WDR70: variants seen among roughly 807,000 people sequenced by gnomAD.
WDR70 encodes the protein WD repeat domain 70.
In WDR70, 53 loss-of-function variants were observed where a neutral mutation model predicts 88.6. The observed-to-expected ratio is 0.60, with a 90% CI of 0.48 to 0.75. WDR70 has a LOEUF of 0.75. Among genes scored for constraint, WDR70 ranks in the 30% least tolerant of loss-of-function variants. The pLI is 0.00. For synonymous variants in WDR70, 280 were observed against 270.0 expected (o/e 1.04, Z -0.36); for missense variants, 610 against 823.2 (o/e 0.74, Z 3.17).
chr5:37,519,420 G>A (rs1274479127), intron 9 of WDR70, among the ~76,000 whole-genome samples: 2 of 145,294 alleles, frequency 1.4e-5, no homozygotes, highest in Non-Finnish European at 3.0e-5. Flanking sequence ...CTTCCCAGAC[G>A]GGGCGGCCGG....
At chr5:37,716,328 C>A (rs1030563071) in intron 13 of WDR70, among the ~76,000 whole-genome samples, 1 of 152,118 alleles carries the variant, frequency 6.6e-6, no homozygotes, top group South Asian at 2.1e-4. Context: ...GCATTGATTT[C>A]TTTTATAGTA....
chr5:37,726,895 G>T lies in WDR70; in HGVS notation c.1727G>T (p.Arg576Leu). ...TCTTTTGCAATAGGTCGTGGTGGCCGAGTTGGAACCCACGGGGGCACTCTC... is the reference window on the plus strand; with the variant it reads ...TCTTTTGCAATAGGTCGTGGTGGCCTAGTTGGAACCCACGGGGGCACTCTC... ...PPVAGPGRGG[R>L]VGTHGGTLSS... Residue 576 changes from arginine (R) to leucine (L), a missense_variant, in exon 17 of 18, where the codon CGA (arginine) becomes CTA (leucine). By Grantham distance (102) the Arg-to-Leu change is moderately radical. Transcript: ENST00000265107. 6.3e-7 allele frequency: 1 copy of T among 1,583,224 alleles called. No homozygotes were observed. Among genetic ancestry groups the T allele is most frequent in the South Asian group, 1.2e-5 (1 of 85,378 alleles).
chr5:37,688,752 C>A (rs1267754278), intron 10 of WDR70, among the ~76,000 whole-genome samples: 1 of 120,162 alleles, frequency 8.3e-6, no homozygotes, highest in African/African-American at 2.7e-5. Context: ...TGGTCTGCAG[C>A]TCCCAGTGTG....
intron 7 of WDR70, among the ~76,000 whole-genome samples, chr5:37,475,321 AC>A (rs1177953975): frequency 6.6e-6 from 1 of 151,510 alleles, no homozygotes; most frequent in East Asian, 1.9e-4. Context: ...CACAACCTCC[AC>A]CTCCCAGGTT....
intron 5 of WDR70, among the ~76,000 whole-genome samples, chr5:37,404,936 T>C (rs1275028042): frequency 6.6e-6 from 1 of 152,112 alleles, no homozygotes; most frequent in South Asian, 2.1e-4. Flanking sequence ...TCTGAATGTG[T>C]TGGGATTACT....
At chr5:37,713,420 A>T (rs149148796) in intron 13 of WDR70, among the ~76,000 whole-genome samples, 4 of 152,278 alleles carry the variant, frequency 2.6e-5, no homozygotes, top group Non-Finnish European at 5.9e-5. Flanking sequence ...TAGTCAGTGT[A>T]TCCCTTTTGA....
intron 8 of WDR70, among the ~76,000 whole-genome samples, chr5:37,501,187 A>T (rs1383472473): frequency 1.3e-5 from 2 of 151,310 alleles, no homozygotes; most frequent in Admixed American, 6.6e-5. Flanking sequence ...GTTTGCAAAT[A>T]TTTTTTCCCA....
At chr5:37,529,354 G>A (rs910641203) in intron 9 of WDR70, among the ~76,000 whole-genome samples, 1 of 152,008 alleles carries the variant, frequency 6.6e-6, no homozygotes, top group Non-Finnish European at 1.5e-5. Context: ...CTAGTTCTGT[G>A]CAGAATCATG....
chr5:37,747,260 C>T (rs775946013), intron 17 of WDR70, among the ~76,000 whole-genome samples: 8 of 151,988 alleles, frequency 5.3e-5, no homozygotes, highest in African/African-American at 9.7e-5. Context: ...GGCCAACAAA[C>T]GTATGAAAAG....
intron 7 of WDR70, among the ~76,000 whole-genome samples, chr5:37,449,871 A>T (rs537906407): frequency 6.6e-6 from 1 of 151,974 alleles, no homozygotes; most frequent in African/African-American, 2.4e-5. Context: ...CTACATAGCT[A>T]TTTCTCCTAA....
intron 9 of WDR70, among the ~76,000 whole-genome samples, chr5:37,583,285 G>T (rs1272429861): frequency 6.6e-6 from 1 of 152,060 alleles, no homozygotes; most frequent in African/African-American, 2.4e-5. Context: ...AGTTAGCCAG[G>T]CGTGGTGGCG....
intron 13 of WDR70, among the ~76,000 whole-genome samples, chr5:37,710,293 C>G (rs1747470598): frequency 6.6e-6 from 1 of 152,108 alleles, no homozygotes. Flanking sequence ...TCACTATCAA[C>G]ACAATCAGTA....
At chr5:37,625,738 A>G (rs1744644864) in intron 10 of WDR70, among the ~76,000 whole-genome samples, 1 of 152,180 alleles carries the variant, frequency 6.6e-6, no homozygotes, top group Admixed American at 6.5e-5. Flanking sequence ...CGTGTTGGCC[A>G]GGCTGGTCTT....
chr5:37,484,762 C>T (rs1378209662), intron 8 of WDR70, among the ~76,000 whole-genome samples: 2 of 152,160 alleles, frequency 1.3e-5, no homozygotes, highest in African/African-American at 4.8e-5. Context: ...CTTGGTGAGG[C>T]TGCAAGCTGC....
intron 2 of WDR70, 124 bp downstream of exon 2, chr5:37,379,678 T>C: frequency 9.6e-7 from 1 of 1,045,178 alleles, no homozygotes; most frequent in Non-Finnish European, 1.5e-6. Context: ...CCTTGCAGTT[T>C]GTCAATATTC....
At chr5:37,469,484 A>G (rs1186913040) in intron 7 of WDR70, among the ~76,000 whole-genome samples, 1 of 152,224 alleles carries the variant, frequency 6.6e-6, no homozygotes, top group African/African-American at 2.4e-5. Context: ...TACAGAGGAA[A>G]CAGAATGCAT....
chr5:37,380,095 A>T (rs967543035), intron 2 of WDR70, among the ~76,000 whole-genome samples: 6 of 152,354 alleles, frequency 3.9e-5, no homozygotes, highest in Non-Finnish European at 7.3e-5. Context: ...AAAATTATTT[A>T]AAAAATGAAA....
chr5:37,451,362 T>C (rs1476349914), intron 7 of WDR70, among the ~76,000 whole-genome samples: 1 of 152,214 alleles, frequency 6.6e-6, no homozygotes, highest in Non-Finnish European at 1.5e-5. Flanking sequence ...AATATAACTT[T>C]CAGTGGTAAT....
intron 10 of WDR70, among the ~76,000 whole-genome samples, chr5:37,682,725 A>C (rs2112620757): frequency 6.6e-6 from 1 of 152,222 alleles, no homozygotes; most frequent in East Asian, 1.9e-4. Flanking sequence ...ATATAATTGT[A>C]TGGCTTTTTG....
Sources: gnomAD v4.1 joint callset for allele counts (sites outside exome capture counted in the v4.1 genomes callset) on GRCh38, gnomAD v4.1.1 for gene constraint, MANE v1.5 for transcripts, NCBI Gene and HGNC (gene_info 2026-07-23, HGNC 2026-07-21) for gene names.